BICD1: variants seen among roughly 807,000 people sequenced by gnomAD.
The protein encoded by BICD1 is BICD cargo adaptor 1.
BICD1 carries 35 observed loss-of-function variants against 92.5 expected under a neutral mutation model. The ratio of observed to expected loss-of-function variants is 0.38; its 90% CI spans 0.29 to 0.50. The LOEUF is 0.50. BICD1 is among the 20% of genes least tolerant of loss of function. The pLI is 0.93. For missense variants in BICD1, 950 were observed against 1,189.8 expected (o/e 0.80, Z 2.97); for synonymous variants, 429 against 465.1 (o/e 0.92, Z 1.00).
chr12:32,339,071 A>G, intron 8 of BICD1, 92 bp downstream of exon 8: 1 of 1,419,214 alleles, frequency 7.0e-7, no homozygotes, highest in Non-Finnish European at 9.1e-7. Context: ...ACCCAGCTGC[A>G]GAGTATACCT....
chr12:32,148,072 G>C (rs747009704), intron 1 of BICD1, among the ~76,000 whole-genome samples: 7 of 146,210 alleles, frequency 4.8e-5, no homozygotes, highest in Admixed American at 2.1e-4. Context: ...AGTCTGGGAG[G>C]TTGAGGCTAC....
intron 2 of BICD1, among the ~76,000 whole-genome samples, chr12:32,279,391 G>A (rs1357547070): frequency 6.6e-6 from 1 of 152,144 alleles, no homozygotes; most frequent in South Asian, 2.1e-4. Context: ...GTTATAGCTC[G>A]ATAAAGTGAT....
At chr12:32,319,679 G>A (rs774204880) in intron 4 of BICD1, among the ~76,000 whole-genome samples, 4 of 151,504 alleles carry the variant, frequency 2.6e-5, no homozygotes, top group Non-Finnish European at 5.9e-5. Context: ...CCAGGTTCAA[G>A]CAATTCTCCT....
At chr12:32,249,669 G>A (rs1299925222) in intron 2 of BICD1, among the ~76,000 whole-genome samples, 1 of 149,576 alleles carries the variant, frequency 6.7e-6, no homozygotes, top group Non-Finnish European at 1.5e-5. Context: ...TTGAGATGGA[G>A]TTTTCTTTTC....
intron 2 of BICD1, among the ~76,000 whole-genome samples, chr12:32,251,746 A>G (rs552755619): frequency 6.6e-6 from 1 of 151,590 alleles, no homozygotes; most frequent in South Asian, 2.1e-4. Context: ...TAATATCTTT[A>G]TACTTTCATA....
At position 32,372,220 on chromosome 12, in the gene BICD1, C is replaced by T. The variant is rs1020445753; in HGVS notation, c.2840+4475C>T. 3.9e-5 allele frequency among the ~76,000 whole-genome samples: 6 copies of T among 152,188 alleles called. No homozygotes were observed. In the South Asian group the frequency reaches 1.2e-3, roughly 32 times the overall value. ...GAGTGCTGGGCCCAGTGGCTCATGC[C>T]TGTAATCCCAGCACTTTGGGAGGCC... On this transcript the variant is annotated intron_variant, in intron 9 of 9. Coordinates refer to ENST00000652176, the MANE Select transcript of BICD1 (RefSeq NM_001714.4).
chr12:32,195,929 T>A (rs1414035578), intron 1 of BICD1, among the ~76,000 whole-genome samples: 1 of 152,140 alleles, frequency 6.6e-6, no homozygotes, highest in Non-Finnish European at 1.5e-5. Context: ...CATAAAGGAT[T>A]TCACATAACT....
At chr12:32,353,371 C>T (rs1256121220) in intron 8 of BICD1, 1 of 151,540 alleles carries the variant, frequency 6.6e-6, no homozygotes, top group Non-Finnish European at 1.5e-5. Flanking sequence ...TTTTCAAACA[C>T]TTGGTTTAGT....
intron 3 of BICD1, among the ~76,000 whole-genome samples, chr12:32,301,232 T>C (rs907510788): frequency 2.6e-5 from 4 of 152,210 alleles, no homozygotes; most frequent in African/African-American, 4.8e-5. Context: ...TTGAGATTCC[T>C]ATAATCAGAG....
At chr12:32,234,560 C>CG (rs1435881955) in intron 2 of BICD1, among the ~76,000 whole-genome samples, 4 of 143,940 alleles carry the variant, frequency 2.8e-5, no homozygotes, top group African/African-American at 1.1e-4. Context: ...CGCACCACTG[C>CG]GCTTTAGCCT....
intron 4 of BICD1, among the ~76,000 whole-genome samples, chr12:32,322,758 T>C (rs1184964419): frequency 6.6e-6 from 1 of 152,250 alleles, no homozygotes; most frequent in African/African-American, 2.4e-5. Flanking sequence ...AAATCTCAAC[T>C]GTCAGAGTCC....
At chr12:32,159,779 G>T (rs1943545905) in intron 1 of BICD1, among the ~76,000 whole-genome samples, 1 of 152,146 alleles carries the variant, frequency 6.6e-6, no homozygotes, top group African/African-American at 2.4e-5. Context: ...TTTACCTGGT[G>T]CCTTAACGTT....
Position 32,328,566 on chromosome 12 carries a change from TCTA to T in BICD1, c.2100+14_2100+16del. 1 of 1,603,378 alleles carries T rather than the reference TCTA, an allele frequency of 6.2e-7. No individual in the cohort carries two copies. The highest frequency in any genetic ancestry group is 8.5e-7 in the Non-Finnish European group (1 of 1,173,184). Reference sequence around the variant, plus strand: ...AAAGCCAACAAGCAGGTAATCTCATTCTACTGGTGAAAGCATGCCAGTCAAAGC... The same window carrying T: ...AAAGCCAACAAGCAGGTAATCTCATTCTGGTGAAAGCATGCCAGTCAAAGC... On this transcript the variant is annotated intron_variant, in intron 5 of 9. Transcript: ENST00000652176. This position sits in a 1 kb window ranked among gnomAD's most constrained non-coding sequence, Gnocchi z 4.4.
rs778489873 is a variant in BICD1, at chr12:32,380,163, T to G, written c.*2536T>G. The G allele has an allele frequency of 6.6e-6, 1 of 152,240 alleles. No homozygotes were observed. Among genetic ancestry groups the G allele is most frequent in the South Asian group, 2.1e-4 (1 of 4,834 alleles). 9.4% of individuals were successfully genotyped at this position (152,240 alleles called of 1,614,324 possible). On this transcript the variant is annotated 3_prime_UTR_variant, in exon 10 of 10. Coordinates refer to ENST00000652176, the MANE Select transcript of BICD1 (RefSeq NM_001714.4). ...CAGCACAAAATTAAGTGATAGTCCCTAAGCAGTAAGAGAGAATACCATGTA... is the reference window on the plus strand; with the variant it reads ...CAGCACAAAATTAAGTGATAGTCCCGAAGCAGTAAGAGAGAATACCATGTA...
chr12:32,380,837 A>C lies in BICD1; in HGVS notation c.*3210A>C, dbSNP rs1453204298. 2.0e-5 allele frequency: 3 copies of C among 150,914 alleles called. No individual in the cohort carries two copies. The highest frequency in any genetic ancestry group is 4.4e-5 in the Non-Finnish European group (3 of 67,746). 9.3% of individuals were successfully genotyped at this position (150,914 alleles called of 1,614,324 possible). A position where few individuals can be genotyped will look rare whatever the true frequency, so the allele number is the denominator to read the frequency against. On this transcript the variant is annotated 3_prime_UTR_variant, in exon 10 of 10. Coordinates refer to ENST00000652176, the MANE Select transcript of BICD1 (RefSeq NM_001714.4). ...AGTAGTCTTCAAGAAAAGAATATTT[A>C]ACAAATGATAGATATCAGCTATAGA...
At chr12:32,163,911 C>T (rs1318551091) in intron 1 of BICD1, among the ~76,000 whole-genome samples, 1 of 152,174 alleles carries the variant, frequency 6.6e-6, no homozygotes, top group African/African-American at 2.4e-5. Context: ...AAGCTTTGGA[C>T]TAGTCTTTTT....
At chr12:32,153,315 G>A (rs531321516) in intron 1 of BICD1, among the ~76,000 whole-genome samples, 52 of 152,242 alleles carry the variant, frequency 3.4e-4, no homozygotes, top group African/African-American at 1.2e-3. Flanking sequence ...CCAAGCCACT[G>A]TTGATGGGAA....
chr12:32,179,896 A>G (rs1944222080), intron 1 of BICD1, among the ~76,000 whole-genome samples: 1 of 150,840 alleles, frequency 6.6e-6, no homozygotes, highest in Non-Finnish European at 1.5e-5. Context: ...AGGCTGAGGC[A>G]GGAGAATTTC....
intron 1 of BICD1, among the ~76,000 whole-genome samples, chr12:32,112,023 T>TTTTTG (rs1941715015): frequency 6.9e-6 from 1 of 145,918 alleles, no homozygotes; most frequent in Non-Finnish European, 1.5e-5. Context: ...TTTTTTTTTT[T>TTTTTG]GAGATGGAGT....
Sources: gnomAD v4.1 joint callset for allele counts (sites outside exome capture counted in the v4.1 genomes callset) on GRCh38, gnomAD v4.1.1 for gene constraint, Gnocchi (gnomAD v3.1) non-coding constraint, MANE v1.5 for transcripts, NCBI Gene and HGNC (gene_info 2026-07-23, HGNC 2026-07-21) for gene names.